Variants in KDM4B observed in about 807,000 individuals in gnomAD.
The protein encoded by KDM4B is lysine demethylase 4B.
In KDM4B, 32 loss-of-function variants were observed where a neutral mutation model predicts 125.2. The observed-to-expected ratio is 0.26, with a 90% confidence interval of 0.19 to 0.34. KDM4B has a LOEUF of 0.34. Ranked by LOEUF, KDM4B falls within the 10% of genes least tolerant of loss-of-function variation. The probability of loss-of-function intolerance (pLI) is 1.00; values close to 1 mark genes in which losing one functional copy is unlikely to be tolerated. For synonymous variants in KDM4B, 721 were observed against 677.9 expected (o/e 1.06, Z -0.99); for missense variants, 1,190 against 1,577.7 (o/e 0.75, Z 4.16).
intron 9 of KDM4B, among the ~76,000 whole-genome samples, chr19:5,099,218 C>T (rs983067023): frequency 2.0e-5 from 3 of 152,130 alleles, no homozygotes; most frequent in African/African-American, 7.2e-5. Flanking sequence ...CCCCAAAGTC[C>T]AAGGATGCTG....
intron 6 of KDM4B, among the ~76,000 whole-genome samples, chr19:5,055,692 A>G (rs1315933933): frequency 6.6e-6 from 1 of 152,180 alleles, no homozygotes; most frequent in Non-Finnish European, 1.5e-5. Flanking sequence ...ACCCCACAGC[A>G]GGTGAGTGTC....
At chr19:5,135,264 TGA>T in intron 14 of KDM4B, 73 bp from the exon 15 acceptor site, 1 of 1,015,884 alleles carries the variant, frequency 9.8e-7, no homozygotes, top group African/African-American at 1.6e-5. Context: ...GCAGGTGCCC[TGA>T]GAGAGGTCCG....
At chr19:5,131,826 G>A (rs772260832) in intron 12 of KDM4B, 61 bp from the exon 13 acceptor site, 146 of 1,608,066 alleles carry the variant, frequency 9.1e-5, no homozygotes, top group Middle Eastern at 3.3e-4. Flanking sequence ...GTGTGGCTCC[G>A]AGGGAGCCCC....
At chr19:5,096,571 C>T (rs1369959829) in intron 9 of KDM4B, among the ~76,000 whole-genome samples, 1 of 152,202 alleles carries the variant, frequency 6.6e-6, no homozygotes, top group Non-Finnish European at 1.5e-5. Context: ...CATTTCTACA[C>T]TGGAGTCGCT....
intron 11 of KDM4B, among the ~76,000 whole-genome samples, chr19:5,125,554 A>G (rs2039434314): frequency 6.6e-6 from 1 of 152,064 alleles, no homozygotes; most frequent in Non-Finnish European, 1.5e-5. Context: ...GTACAGGGCA[A>G]CTCGCTCCCT....
At chr19:5,092,763 GGCTC>G in intron 9 of KDM4B, among the ~76,000 whole-genome samples, 1 of 152,280 alleles carries the variant, frequency 6.6e-6, no homozygotes, top group East Asian at 1.9e-4. Flanking sequence ...CAGAGGAGGG[GGCTC>G]GCAGGGCCTG....
At chr19:5,098,439 G>GT (rs1212088445) in intron 9 of KDM4B, among the ~76,000 whole-genome samples, 2 of 152,170 alleles carry the variant, frequency 1.3e-5, no homozygotes, top group African/African-American at 4.8e-5. Flanking sequence ...CTGTTCCCTT[G>GT]TAGGTGACTG....
At chr19:5,071,338 G>T (rs2145824025) in intron 7 of KDM4B, among the ~76,000 whole-genome samples, 1 of 152,280 alleles carries the variant, frequency 6.6e-6, no homozygotes, top group African/African-American at 2.4e-5. Flanking sequence ...AAACTTCTTG[G>T]GCCTGGTCAA....
At chr19:5,123,165 C>T (rs951449016) in intron 11 of KDM4B, among the ~76,000 whole-genome samples, 1 of 152,260 alleles carries the variant, frequency 6.6e-6, no homozygotes, top group African/African-American at 2.4e-5. Context: ...CACTGCTCCA[C>T]GCCCTGTGGC....
intron 6 of KDM4B, among the ~76,000 whole-genome samples, chr19:5,060,864 C>T (rs994811916): frequency 9.9e-5 from 15 of 152,232 alleles, no homozygotes; most frequent in Admixed American, 1.3e-4. Flanking sequence ...GCAAACAACT[C>T]GCACATGACT....
chr19:5,048,608 G>C (rs546516799), intron 6 of KDM4B, among the ~76,000 whole-genome samples: 5 of 152,118 alleles, frequency 3.3e-5, no homozygotes, highest in Admixed American at 2.0e-4. Context: ...GGAGAGGGGG[G>C]GGCGGGGGAG....
At chr19:5,119,563 CG>C (rs2039321923) in intron 10 of KDM4B, 89 bp from the exon 11 acceptor site, 4 of 1,274,664 alleles carry the variant, frequency 3.1e-6, no homozygotes, top group East Asian at 5.0e-5. Context: ...TGGGGGTGGG[CG>C]GGGGCTGCGT....
At chr19:5,048,769 G>C (rs1478544502) in intron 6 of KDM4B, among the ~76,000 whole-genome samples, 4 of 152,258 alleles carry the variant, frequency 2.6e-5, no homozygotes, top group Admixed American at 2.0e-4. Flanking sequence ...GGCCTCCCAG[G>C]GGTGCGTGGG....
intron 11 of KDM4B, among the ~76,000 whole-genome samples, chr19:5,130,005 T>C (rs1367747039): frequency 6.6e-6 from 1 of 152,156 alleles, no homozygotes; most frequent in Admixed American, 6.5e-5. Context: ...GGACAGGCCC[T>C]CCTGGGCACT....
intron 1 of KDM4B, among the ~76,000 whole-genome samples, chr19:5,002,425 TTCTC>T (rs1339648769): frequency 6.7e-6 from 1 of 149,638 alleles, no homozygotes; most frequent in Admixed American, 6.6e-5. Context: ...TCTCTCTCCT[TTCTC>T]TCTACTTTCT....
At chr19:5,071,600 G>A (rs904661460) in intron 7 of KDM4B, among the ~76,000 whole-genome samples, 1 of 152,252 alleles carries the variant, frequency 6.6e-6, no homozygotes, top group Non-Finnish European at 1.5e-5. Context: ...GCTCCCTGGG[G>A]ACTCTTGGGA....
At chr19:5,104,343 C>T (rs2038995467) in intron 9 of KDM4B, among the ~76,000 whole-genome samples, 1 of 152,366 alleles carries the variant, frequency 6.6e-6, no homozygotes, top group Non-Finnish European at 1.5e-5. Context: ...GGTAAAACTA[C>T]ATTAATTCAG....
At chr19:5,110,578 G>A (rs200772860) in intron 9 of KDM4B, 44 bp from the exon 10 acceptor site, 27 of 1,603,858 alleles carry the variant, frequency 1.7e-5, no homozygotes, top group South Asian at 6.6e-5. Context: ...GGAGCCAGCC[G>A]TCCAGGTGTG....
chr19:5,039,309 G>A (rs2036729166), intron 3 of KDM4B, among the ~76,000 whole-genome samples: 1 of 152,138 alleles, frequency 6.6e-6, no homozygotes, highest in Admixed American at 6.5e-5. Flanking sequence ...AAAAAAATTA[G>A]CTGGGCATGG....
Sources: gnomAD v4.1 joint callset for allele counts (sites outside exome capture counted in the v4.1 genomes callset) on GRCh38, gnomAD v4.1.1 for gene constraint, MANE v1.5 for transcripts, NCBI Gene and HGNC (gene_info 2026-07-23, HGNC 2026-07-21) for gene names.